FCRL2: variants seen among roughly 807,000 people sequenced by gnomAD.
FCRL2 encodes the protein Fc receptor like 2.
In FCRL2, 48 loss-of-function variants were observed where a neutral mutation model predicts 59.8. The observed-to-expected ratio is 0.80, with a 90% confidence interval of 0.64 to 1.02. FCRL2 has a LOEUF of 1.02. Among genes scored for constraint, FCRL2 ranks in the 50% least tolerant of loss-of-function variants. The pLI, the probability that FCRL2 is intolerant of heterozygous loss-of-function variation, is 0.00. For missense variants in FCRL2, 658 were observed against 597.3 expected (o/e 1.10, Z -1.06); for synonymous variants, 251 against 229.5 (o/e 1.09, Z -0.85).
intron 7 of FCRL2, among the ~76,000 whole-genome samples, chr1:157,765,945 A>G (rs1438693655): frequency 6.6e-6 from 1 of 152,200 alleles, no homozygotes; most frequent in Non-Finnish European, 1.5e-5. Context: ...CTTTAAGGTC[A>G]TCATGCTGTG....
At chr1:157,767,800 C>A in intron 5 of FCRL2, 1 of 1,013,998 alleles carries the variant, frequency 9.9e-7, no homozygotes, top group East Asian at 2.8e-5. Flanking sequence ...CTTTTGTATC[C>A]TATAATTTTT....
intron 7 of FCRL2, among the ~76,000 whole-genome samples, chr1:157,756,299 C>T (rs1648583579): frequency 6.6e-6 from 1 of 152,286 alleles, no homozygotes; most frequent in Admixed American, 6.5e-5. Flanking sequence ...ATTAGATCAT[C>T]TTTTGATAAA....
intron 7 of FCRL2, among the ~76,000 whole-genome samples, chr1:157,751,261 A>G (rs1648163393): frequency 6.6e-6 from 1 of 152,230 alleles, no homozygotes; most frequent in African/African-American, 2.4e-5. Context: ...AGATGGTTAC[A>G]TTTCAAAGGG....
At chr1:157,749,223 C>T (rs970992994) in intron 8 of FCRL2, among the ~76,000 whole-genome samples, 12 of 151,878 alleles carry the variant, frequency 7.9e-5, no homozygotes, top group African/African-American at 2.9e-4. Flanking sequence ...TAAAACTTTG[C>T]CTGCCTTTTT....
chr1:157,767,603 C>T (rs1172945527), intron 5 of FCRL2, 94 bp from the exon 6 acceptor site: 2 of 1,613,952 alleles, frequency 1.2e-6, no homozygotes, highest in South Asian at 1.1e-5. Context: ...GGCCTGGCCC[C>T]ATGGCTGTTG....
intron 7 of FCRL2, among the ~76,000 whole-genome samples, chr1:157,759,720 G>A (rs1195939008): frequency 6.6e-6 from 1 of 152,140 alleles, no homozygotes; most frequent in African/African-American, 2.4e-5. Flanking sequence ...AACCATTAGG[G>A]AAATGTAAAT....
chr1:157,769,968 A>C lies in FCRL2; in HGVS notation c.493T>G (p.Ser165Ala). 1 of 1,614,176 alleles carries C rather than the reference A, an allele frequency of 6.2e-7. No homozygotes were observed. Among genetic ancestry groups the C allele is most frequent in the Non-Finnish European group, 8.5e-7 (1 of 1,180,018 alleles). Residue 165 changes from serine (S) to alanine (A), a missense_variant, in exon 4 of 12, where the codon TCT becomes GCT. By Grantham distance (99) the Ser-to-Ala change is moderately conservative. Coordinates refer to ENST00000361516, the MANE Select transcript of FCRL2 (RefSeq NM_030764.4). The stretch of plus-strand genomic sequence containing the variant: ...CCTGTGTCTTCACTCCACACGGCAG[A>C]AATCTGGAGCTCCGGAGAGCTGCTC... ...GWSSSPELQISAVWSEDTGSY... is the reference protein window; with the variant it reads ...GWSSSPELQIAAVWSEDTGSY...
Position 157,766,871 on chromosome 1 carries a change from C to G in FCRL2, c.1263G>C (p.Leu421Phe). The G allele has an allele frequency of 6.2e-7, 1 of 1,614,090 alleles. No individual in the cohort carries two copies. The highest frequency in any genetic ancestry group is 8.5e-7 in the Non-Finnish European group (1 of 1,180,004). ...AGATACAACCTGATATCTTGTGGAA[C>G]AAGGCATACAACAGCAAAGCAACAC... ...FTGVALLLYA[L>F]FHKISGESSA... is the part of the protein sequence containing the mutation. The change falls in exon 7 of 12, where the codon TTG (leucine) becomes TTC (phenylalanine). Residue 421 changes from leucine (L) to phenylalanine (F), a missense_variant. Coordinates refer to ENST00000361516, the MANE Select transcript of FCRL2 (RefSeq NM_030764.4).
chr1:157,775,562 T>C (rs187204226), intron 2 of FCRL2, among the ~76,000 whole-genome samples: 1 of 152,354 alleles, frequency 6.6e-6, no homozygotes, highest in East Asian at 1.9e-4. Context: ...GAGGCAAGCA[T>C]GTGGGGTCTT....
intron 1 of FCRL2, among the ~76,000 whole-genome samples, chr1:157,776,140 A>T (rs1650390532): frequency 6.6e-6 from 1 of 152,168 alleles, no homozygotes; most frequent in African/African-American, 2.4e-5. Context: ...ACATGACAAC[A>T]CGATCACAAA....
At chr1:157,762,672 G>A (rs191577092) in intron 7 of FCRL2, among the ~76,000 whole-genome samples, 7 of 152,044 alleles carry the variant, frequency 4.6e-5, no homozygotes, top group Admixed American at 1.3e-4. Context: ...CAAATACAAA[G>A]ACAGAATTTT....
intron 7 of FCRL2, among the ~76,000 whole-genome samples, chr1:157,760,364 T>C (rs1648924077): frequency 6.6e-6 from 1 of 152,048 alleles, no homozygotes. Flanking sequence ...CACTCACTCC[T>C]GTAATGCCAG....
In FCRL2 at chr1:157,746,738, A is replaced by G. The variant is rs199589272; in HGVS notation, c.1525T>C (p.Ter509GlnextTer28). ...QVIYSSVKKS* is the reference protein window; with the variant it reads ...QVIYSSVKKSQ ...TTCCCTTCTGATTCCTCCAAGTGTT[A>G]TGATTTCTTCACAGAAGAGTAGATG... Residue 509 changes from the stop codon to glutamine, a stop_lost, in exon 12 of 12, where the codon TAA becomes CAA. Transcript: ENST00000361516. The G allele has an allele frequency of 2.8e-4, 447 of 1,613,568 alleles. No homozygotes were observed. The highest frequency in any genetic ancestry group is 3.7e-4 in the Non-Finnish European group (434 of 1,179,638).
At chr1:157,758,745 C>T (rs954688574) in intron 7 of FCRL2, among the ~76,000 whole-genome samples, 4 of 137,596 alleles carry the variant, frequency 2.9e-5, no homozygotes, top group Non-Finnish European at 6.2e-5. Flanking sequence ...AACTATATGA[C>T]AAGGCTACAA....
chr1:157,767,098 G>A, intron 6 of FCRL2, 127 bp from the exon 7 acceptor site: 1 of 1,314,574 alleles, frequency 7.6e-7, no homozygotes, highest in South Asian at 1.4e-5. Context: ...GTACTCTTCA[G>A]GTTAGTGTGG....
In FCRL2 at chr1:157,777,069, A is replaced by T; in HGVS notation, c.5T>A (p.Leu2Gln). Reference protein sequence around the residue: MLLWSLLVIFDA... With the variant: MQLWSLLVIFDA... The stretch of plus-strand genomic sequence containing the variant: ...AAAGATGACCAGCAATGACCACAGC[A>T]GCATGAGGACCTAATCCAGCTATTT... Residue 2 changes from leucine (L) to glutamine (Q), a missense_variant, in exon 1 of 12, where the codon CTG becomes CAG. By Grantham distance (113) the Leu-to-Gln change is moderately radical. Coordinates refer to ENST00000361516, the MANE Select transcript of FCRL2 (RefSeq NM_030764.4). 1 of 1,614,184 alleles carries T rather than the reference A, an allele frequency of 6.2e-7. No homozygotes were observed. Among genetic ancestry groups the T allele is most frequent in the Non-Finnish European group, 8.5e-7 (1 of 1,179,990 alleles).
Position 157,769,953 on chromosome 1 carries a change from C to A in FCRL2, c.508G>T (p.Glu170Ter). The change falls in exon 4 of 12, where the codon GAA (glutamate) becomes TAA (stop). Residue 170 changes from glutamate to a stop codon, truncating the protein, a stop_gained. Coordinates refer to ENST00000361516, the MANE Select transcript of FCRL2 (RefSeq NM_030764.4). LOFTEE classifies it high-confidence loss of function. ...PELQISAVWSEDTGSYWCKAE... is the reference protein window; with the variant it reads ...PELQISAVWS ...TTGCACCAGTAAGACCCTGTGTCTT[C>A]ACTCCACACGGCAGAAATCTGGAGC... 6.2e-7 allele frequency: 1 copy of A among 1,614,224 alleles called. No homozygotes were observed. The highest frequency in any genetic ancestry group is 8.5e-7 in the Non-Finnish European group (1 of 1,180,028).
intron 3 of FCRL2, 125 bp downstream of exon 3, chr1:157,770,284 A>G (rs1649898372): frequency 6.9e-7 from 1 of 1,448,832 alleles, no homozygotes; most frequent in Admixed American, 2.0e-5. Context: ...GGCTCCTTTG[A>G]TGATCAAACC....
chr1:157,751,746 T>G (rs1480805807), intron 7 of FCRL2, among the ~76,000 whole-genome samples: 5 of 152,174 alleles, frequency 3.3e-5, no homozygotes, highest in African/African-American at 4.8e-5. Context: ...AGACTTTAGA[T>G]TCTTGGAAAC....
Sources: allele counts gnomAD v4.1 joint callset (sites outside exome capture counted in the v4.1 genomes callset), GRCh38; gene constraint gnomAD v4.1.1; transcripts MANE v1.5; gene names NCBI Gene and HGNC (gene_info 2026-07-23, HGNC 2026-07-21).